DST: variants seen among roughly 807,000 people sequenced by gnomAD.
DST encodes bullous pemphigoid antigen.
DST carries 253 observed loss-of-function variants against 875.2 expected under a neutral mutation model. That is an observed-to-expected ratio of 0.29 (90% CI 0.26 to 0.32). DST has a LOEUF of 0.32. Among genes scored for constraint, DST ranks in the 10% least tolerant of loss-of-function variants. The pLI is 1.00. For synonymous variants in DST, 3,124 were observed against 3,197.1 expected, an observed-to-expected ratio of 0.98 and a Z score of 0.77; for missense variants, 8,287 against 9,111.6, an observed-to-expected ratio of 0.91 and a Z score of 3.68.
chr6:56,694,238 T>C (rs919423508), intron 9 of DST, among the ~76,000 whole-genome samples: 3 of 149,844 alleles, frequency 2.0e-5, no homozygotes, highest in African/African-American at 7.4e-5. Context: ...AAAATTAGAA[T>C]AGCATGAAAT....
intron 3 of DST, among the ~76,000 whole-genome samples, chr6:56,893,403 T>C (rs1788603222): frequency 1.3e-5 from 2 of 152,310 alleles, no homozygotes; most frequent in South Asian, 4.1e-4. Context: ...CACTCGTTGA[T>C]TGATGGGCAT....
intron 3 of DST, among the ~76,000 whole-genome samples, chr6:56,899,582 C>T (rs1421518720): frequency 6.6e-6 from 1 of 152,166 alleles, no homozygotes; most frequent in Admixed American, 6.5e-5. Context: ...GCACAAGAAA[C>T]AACAACAGGC....
At chr6:56,487,714 C>T (rs188421711) in intron 86 of DST, among the ~76,000 whole-genome samples, 1 of 152,260 alleles carries the variant, frequency 6.6e-6, no homozygotes, top group Admixed American at 6.5e-5. Context: ...CTTTGTAGGC[C>T]TCTCATTATC....
intron 2 of DST, among the ~76,000 whole-genome samples, chr6:56,939,831 C>A (rs1361127406): frequency 6.6e-6 from 1 of 151,992 alleles, no homozygotes; most frequent in Non-Finnish European, 1.5e-5. Context: ...TCAAGACCAG[C>A]CTGGCCAACA....
rs982951291 is a variant in DST at position 56,857,280 on chromosome 6, A to C, written c.418-5676T>G. On this transcript the variant is annotated intron_variant, in intron 3 of 103. Transcript: ENST00000680361. ...CAATCTTTCTGCCTTGGCATCTCAAAGTACTGGGATAACAAGCATGAGCCA... is the reference window on the plus strand; with the variant it reads ...CAATCTTTCTGCCTTGGCATCTCAACGTACTGGGATAACAAGCATGAGCCA... Among the ~76,000 whole-genome samples, 3 of 152,178 alleles carry C rather than the reference A, an allele frequency of 2.0e-5. No individual in the cohort carries two copies. In the South Asian group the frequency reaches 6.2e-4, roughly 32 times the overall value.
intron 4 of DST, among the ~76,000 whole-genome samples, chr6:56,742,628 TC>T (rs1314090289): frequency 6.6e-6 from 1 of 152,192 alleles, no homozygotes; most frequent in Non-Finnish European, 1.5e-5. Flanking sequence ...AAGTTTTAAT[TC>T]CCTTTTTTTG....
rs183284160 is a variant in DST at position 56,592,688 on chromosome 6, C to T, written c.12727-330G>A. Among the ~76,000 whole-genome samples the T allele has an allele frequency of 2.8e-3, 428 of 152,182 alleles. 1 individual carries two copies. Among genetic ancestry groups the T allele is most frequent in the Non-Finnish European group, 4.0e-3 (275 of 68,010 alleles). ...TTTGATACACCATGTGTATAGATAT[C>T]GATTTGATGGAAGGGTTTTAAAGGT... On this transcript the variant is annotated intron_variant, in intron 48 of 103. Transcript: ENST00000680361.
chr6:56,508,629 G>A lies in DST; in HGVS notation c.19139C>T (p.Ser6380Leu). ...AGTATCTTTAATGGTAACTATCAAT[G>A]ACATGTGATCACACCAGAACTTTTC... ...LAEKFWCDHM[S>L]LIVTIKDTQD... Residue 6380 changes from serine to leucine, a missense_variant, in exon 75 of 104, where the codon TCA becomes TTA. By Grantham distance (145) the Ser-to-Leu change is moderately radical. This residue lies in a region of DST where 1,292 missense variants were observed against 1,552.7 expected (regional missense o/e 0.83). Coordinates refer to ENST00000680361, the MANE Select transcript of DST (RefSeq NM_001374736.1). The A allele has an allele frequency of 6.2e-7, 1 of 1,613,774 alleles. No individual in the cohort carries two copies.
chr6:56,490,976 T>TCCAA (rs1233053926), intron 85 of DST, among the ~76,000 whole-genome samples: 14 of 152,310 alleles, frequency 9.2e-5, no homozygotes, highest in Middle Eastern at 3.4e-3. Flanking sequence ...AACTGGCTAC[T>TCCAA]GATATCCAAG....
In DST at chr6:56,728,651, G is replaced by A. The variant is rs560430874; in HGVS notation, c.687+6577C>T. ...AGATCACGCCACTGCACTCCAGCAC[G>A]GGTGACAGAGCCAGACTCTGTCTCA... On this transcript the variant is annotated intron_variant, in intron 5 of 103. Coordinates refer to ENST00000680361, the MANE Select transcript of DST (RefSeq NM_001374736.1). 2.3e-4 allele frequency among the ~76,000 whole-genome samples: 35 copies of A among 152,148 alleles called. No individual in the cohort carries two copies. In the East Asian group the frequency reaches 4.3e-3, roughly 18 times the overall value.
chr6:56,869,851 AT>A (rs1562239023), intron 3 of DST, among the ~76,000 whole-genome samples: 1 of 151,734 alleles, frequency 6.6e-6, no homozygotes, highest in East Asian at 1.9e-4. Context: ...TGCCCAGTTA[AT>A]TTTTTTGATT....
intron 100 of DST, chr6:56,464,289 A>AT: frequency 3.8e-6 from 1 of 265,036 alleles, no homozygotes; most frequent in Non-Finnish European, 7.2e-6. Flanking sequence ...AAACTTCTGG[A>AT]TTTTTCACTT....
At position 56,558,275 on chromosome 6, in the gene DST, G is replaced by C. The variant is rs1385656710; in HGVS notation, c.14441-757C>G. On this transcript the variant is annotated intron_variant, in intron 58 of 103. Coordinates refer to ENST00000680361, the MANE Select transcript of DST (RefSeq NM_001374736.1). The stretch of plus-strand genomic sequence containing the variant: ...GTATTTTTTACATTGATATATAGTA[G>C]ATATGTATTTTTAGAGTGCATGTGA... 2.0e-5 allele frequency among the ~76,000 whole-genome samples: 3 copies of C among 152,134 alleles called. No individual in the cohort carries two copies. In the South Asian group the frequency reaches 6.2e-4, roughly 32 times the overall value.
At chr6:56,821,059 G>A (rs1278361880) in intron 4 of DST, among the ~76,000 whole-genome samples, 3 of 152,150 alleles carry the variant, frequency 2.0e-5, no homozygotes, top group Non-Finnish European at 2.9e-5. Flanking sequence ...CCACCTTAAG[G>A]AGATAAAAGC....
At chr6:56,487,323 A>G in intron 86 of DST, 50 bp from the exon 87 acceptor site, 2 of 1,494,716 alleles carry the variant, frequency 1.3e-6, no homozygotes, top group South Asian at 1.4e-5. Context: ...GGACTAATAA[A>G]CAGGTAAGAG....
At chr6:56,809,861 A>T (rs1255072085) in intron 4 of DST, among the ~76,000 whole-genome samples, 4 of 152,216 alleles carry the variant, frequency 2.6e-5, no homozygotes, top group African/African-American at 9.6e-5. Context: ...TTATATGAAC[A>T]ACTTAAATTT....
At chr6:56,648,760 C>T (rs919418183) in intron 12 of DST, 71 bp from the exon 13 acceptor site, 2 of 1,303,116 alleles carry the variant, frequency 1.5e-6, no homozygotes, top group African/African-American at 3.0e-5. Context: ...ACAATTTAGT[C>T]AGAAGTCATT....
In DST at chr6:56,509,769, C is replaced by A. The variant is rs1264665303; in HGVS notation, c.18885G>T (p.Gln6295His). ...CTGACACATTCTTATTTTCACTGAT[C>A]TGTTCCTTGATCTTCTCAACCTCTG... ...ISAEVEKIKE[Q>H]ISENKNVSVD... The change falls in exon 74 of 104, where the codon CAG becomes CAT. Residue 6295 changes from glutamine (Q) to histidine (H), a missense_variant. By Grantham distance (24) the Gln-to-His change is conservative (BLOSUM62 0). Coordinates refer to ENST00000680361, the MANE Select transcript of DST (RefSeq NM_001374736.1). The A allele has an allele frequency of 3.1e-6, 5 of 1,613,710 alleles. No individual in the cohort carries two copies. Among genetic ancestry groups the A allele is most frequent in the Non-Finnish European group, 4.2e-6 (5 of 1,179,750 alleles).
Position 56,573,758 on chromosome 6 carries a change from T to A in DST, c.13157A>T (p.Asn4386Ile), listed in dbSNP as rs1267560171. Residue 4386 changes from asparagine to isoleucine, a missense_variant, in exon 51 of 104, where the codon AAT becomes ATT. Transcript: ENST00000680361. ...TTGTTCTTTCAGAGAACTTTCCACA[T>A]TTCCCATCCAGTCCAGCATTTCATC... The part of the protein sequence containing the change: ...GLDEMLDWMG[N>I]VESSLKEQGQ... The A allele has an allele frequency of 2.5e-6, 4 of 1,613,744 alleles. No homozygotes were observed. Among genetic ancestry groups the A allele is most frequent in the Non-Finnish European group, 3.4e-6 (4 of 1,179,714 alleles).
Sources: gnomAD v4.1 joint callset for allele counts (sites outside exome capture counted in the v4.1 genomes callset) on GRCh38, gnomAD v4.1.1 for gene constraint, gnomAD v4.1.1 regional missense constraint, MANE v1.5 for transcripts, NCBI Gene and HGNC (gene_info 2026-07-23, HGNC 2026-07-21) for gene names.